METTL16: variants seen among roughly 807,000 people sequenced by gnomAD.
METTL16 encodes the protein methyltransferase 16, RNA N6-adenosine, also known as RNA N(6)-adenosine-methyltransferase METTL16.
Under a neutral mutation model 57.9 loss-of-function variants are expected in METTL16, and 19 were observed. The ratio of observed to expected loss-of-function variants is 0.33; its 90% CI spans 0.23 to 0.48. The LOEUF (loss-of-function observed/expected upper bound fraction) is 0.48, where lower values mean the gene tolerates loss of function less well. METTL16 is among the 20% of genes least tolerant of loss of function. The pLI is 0.99. For synonymous variants in METTL16, 246 were observed against 255.6 expected (o/e 0.96, Z 0.36); for missense variants, 434 against 691.5 (o/e 0.63, Z 4.18).
At chr17:2,499,456 T>TC (rs1723457639) in intron 2 of METTL16, among the ~76,000 whole-genome samples, 1 of 151,416 alleles carries the variant, frequency 6.6e-6, no homozygotes, top group African/African-American at 2.4e-5. Flanking sequence ...TGCACAGTGT[T>TC]GCACCCCACT....
chr17:2,463,606 C>T (rs2067168197), intron 6 of METTL16, among the ~76,000 whole-genome samples: 1 of 151,936 alleles, frequency 6.6e-6, no homozygotes, highest in African/African-American at 2.4e-5. Context: ...GGACTACAGG[C>T]ACCCACCACC....
chr17:2,448,773 T>TAAAAAAAAAAAAAAAAAAAAAAAAAAA (rs1391105641), intron 6 of METTL16, among the ~76,000 whole-genome samples: 1 of 29,606 alleles, frequency 3.4e-5, no homozygotes, highest in Non-Finnish European at 6.9e-5. Flanking sequence ...AAATAAAAAA[T>TAAAAAAAAAAAAAAAAAAAAAAAAAAA]AAAAAAATAA....
intron 6 of METTL16, among the ~76,000 whole-genome samples, chr17:2,444,744 C>T (rs973759437): frequency 7.1e-6 from 1 of 140,682 alleles, no homozygotes; most frequent in East Asian, 2.1e-4. Context: ...GATGGAGTTT[C>T]GCTCTGTCGC....
chr17:2,456,513 T>C (rs1185020863), intron 6 of METTL16, among the ~76,000 whole-genome samples: 2 of 152,208 alleles, frequency 1.3e-5, no homozygotes, highest in African/African-American at 4.8e-5. Flanking sequence ...CTCGTTCTGT[T>C]GCCCCGGTTG....
intron 1 of METTL16, among the ~76,000 whole-genome samples, chr17:2,508,730 T>A (rs190449466): frequency 6.6e-6 from 1 of 152,262 alleles, no homozygotes; most frequent in East Asian, 1.9e-4. Context: ...ACTCCCCCCA[T>A]GCAAATGTGA....
chr17:2,480,015 C>T (rs2067293823), intron 2 of METTL16, among the ~76,000 whole-genome samples: 1 of 151,534 alleles, frequency 6.6e-6, no homozygotes, highest in South Asian at 2.1e-4. Context: ...GGAGAAACCC[C>T]AACTCTACTA....
At chr17:2,467,725 C>T (rs1308190059) in intron 5 of METTL16, 36 bp downstream of exon 5, 8 of 1,541,200 alleles carry the variant, frequency 5.2e-6, no homozygotes, top group Non-Finnish European at 6.3e-6. Context: ...CGCGCCCAGC[C>T]TATATTCAAT....
At chr17:2,467,728 T>G in intron 5 of METTL16, 33 bp downstream of exon 5, 1 of 1,543,054 alleles carries the variant, frequency 6.5e-7, no homozygotes, top group African/African-American at 1.4e-5. Context: ...GCCCAGCCTA[T>G]ATTCAATTAT....
Position 2,420,227 on chromosome 17 carries a change from C to T in METTL16, c.1432G>A (p.Glu478Lys). Residue 478 changes from glutamate to lysine, a missense_variant, in exon 10 of 10, where the codon GAA (glutamate) becomes AAA (lysine). Physicochemically the swap from Glu to Lys is moderately conservative, Grantham distance 56. This residue lies in a region of METTL16 where 168 missense variants were observed against 149.6 expected (regional missense o/e 1.12). Coordinates refer to ENST00000263092, the MANE Select transcript of METTL16 (RefSeq NM_024086.4). The surrounding 1 kb of genome is among the most constrained non-coding windows in gnomAD (Gnocchi z 5.4). ...CCGTTGCTAGAGCCTTGACAACTTT[C>T]CAAAACCTCCACCCCTCCCTTTTCC... ...SEEKGGVEVL[E>K]SCQGSSNGAQ... is the part of the protein sequence containing the mutation. The T allele has an allele frequency of 6.2e-7, 1 of 1,614,252 alleles. No individual in the cohort carries two copies.
intron 2 of METTL16, among the ~76,000 whole-genome samples, chr17:2,500,120 ATT>A (rs991774748): frequency 3.9e-5 from 6 of 152,056 alleles, no homozygotes; most frequent in African/African-American, 1.4e-4. Flanking sequence ...GAACATAAAT[ATT>A]TGTTTGAACT....
At chr17:2,510,041 C>T (rs1207933134) in intron 1 of METTL16, among the ~76,000 whole-genome samples, 1 of 151,244 alleles carries the variant, frequency 6.6e-6, no homozygotes, top group East Asian at 1.9e-4. Context: ...CGTGCTACTG[C>T]ACTCCAGCCT....
chr17:2,473,514 T>C lies in METTL16; in HGVS notation c.469+10A>G. 1 of 1,605,258 alleles carries C rather than the reference T, an allele frequency of 6.2e-7. No individual in the cohort carries two copies. Among genetic ancestry groups the C allele is most frequent in the African/African-American group, 1.3e-5 (1 of 74,746 alleles). ...ACAAAGTTTGGAGGCATTCATTCTG[T>C]GGCGCTAACCTTTTATGAGATCAGA... On this transcript the variant is annotated intron_variant, in intron 4 of 9. Coordinates refer to ENST00000263092, the MANE Select transcript of METTL16 (RefSeq NM_024086.4).
chr17:2,506,060 C>G (rs901456874), intron 1 of METTL16, among the ~76,000 whole-genome samples: 1 of 151,698 alleles, frequency 6.6e-6, no homozygotes, highest in African/African-American at 2.4e-5. Context: ...GTCTGCCTCC[C>G]GGGTTCAAGC....
chr17:2,437,007 C>G (rs1372355838), intron 8 of METTL16, among the ~76,000 whole-genome samples: 1 of 151,860 alleles, frequency 6.6e-6, no homozygotes, highest in Non-Finnish European at 1.5e-5. Flanking sequence ...TCAGCCTCCG[C>G]AGCAGCTGGG....
intron 6 of METTL16, among the ~76,000 whole-genome samples, chr17:2,450,951 A>G (rs1052431907): frequency 2.0e-5 from 3 of 152,224 alleles, no homozygotes; most frequent in Non-Finnish European, 4.4e-5. Context: ...TTAGGTTAAA[A>G]CTGTATGAAA....
chr17:2,429,707 C>T (rs1238579440), intron 8 of METTL16, among the ~76,000 whole-genome samples: 1 of 152,010 alleles, frequency 6.6e-6, no homozygotes, highest in Admixed American at 6.6e-5. Flanking sequence ...ACATGTGCCT[C>T]CATACGATAG....
Position 2,441,665 on chromosome 17 carries a change from A to C in METTL16, c.729-106T>G, listed in dbSNP as rs565329370. The C allele has an allele frequency of 4.8e-5, 28 of 586,152 alleles. No individual in the cohort carries two copies. The African/African-American group carries it at 5.3e-4, about 11-fold the overall frequency. 36.3% of individuals were successfully genotyped at this position (586,152 alleles called of 1,614,324 possible). A position where few individuals can be genotyped will look rare whatever the true frequency, so the allele number is the denominator to read the frequency against. On this transcript the variant is annotated intron_variant, in intron 6 of 9. Transcript: ENST00000263092. ...TGAGAACAGTAACAAACAAACATTGAGTAAGGTCACAAGTGAAAAATATCA... is the reference window on the plus strand; with the variant it reads ...TGAGAACAGTAACAAACAAACATTGCGTAAGGTCACAAGTGAAAAATATCA...
At position 2,438,661 on chromosome 17, in the gene METTL16, C is replaced by T. The variant is rs531490930; in HGVS notation, c.799-463G>A. 2.0e-5 allele frequency among the ~76,000 whole-genome samples: 3 copies of T among 152,276 alleles called. 1 individual carries two copies. The highest frequency in any genetic ancestry group is 4.1e-4 in the South Asian group (2 of 4,824). ...GGATTACAGGCGCATGCCACCACGC[C>T]CAGCTAATTTTTGTATTTTTAGTAG... On this transcript the variant is annotated intron_variant, in intron 7 of 9. Transcript: ENST00000263092.
At chr17:2,486,276 CTT>C (rs899320056) in intron 2 of METTL16, among the ~76,000 whole-genome samples, 14 of 145,406 alleles carry the variant, frequency 9.6e-5, no homozygotes, top group Non-Finnish European at 1.2e-4. Flanking sequence ...GGATACTACT[CTT>C]TTTTTTTTTT....
Sources: allele counts gnomAD v4.1 joint callset (sites outside exome capture counted in the v4.1 genomes callset), GRCh38; gene constraint gnomAD v4.1.1; regional missense constraint gnomAD v4.1.1; non-coding constraint Gnocchi (gnomAD v3.1); transcripts MANE v1.5; gene names NCBI Gene and HGNC (gene_info 2026-07-23, HGNC 2026-07-21).